The following ADGRL3 variants were observed in gnomAD, a reference collection of about 807,000 sequenced individuals.
The protein encoded by ADGRL3 is adhesion G protein-coupled receptor L3.
Under a neutral mutation model 153.5 loss-of-function variants are expected in ADGRL3, and 62 were observed. The ratio of observed to expected loss-of-function variants is 0.40; its 90% CI spans 0.33 to 0.50. ADGRL3 has a LOEUF of 0.50. ADGRL3 is among the 20% of genes least tolerant of loss of function. ADGRL3 has a pLI of 0.47. For synonymous variants in ADGRL3, 710 were observed against 672.5 expected, an observed-to-expected ratio of 1.06 and a Z score of -0.86; for missense variants, 1,641 against 1,859.4, an observed-to-expected ratio of 0.88 and a Z score of 2.16.
chr4:61,681,781 A>G (rs903042785), intron 6 of ADGRL3, among the ~76,000 whole-genome samples: 2 of 152,274 alleles, frequency 1.3e-5, no homozygotes, highest in South Asian at 2.1e-4. Context: ...GCATATTTAA[A>G]TGTGTACACA....
At chr4:61,579,440 G>C (rs2098913764) in intron 4 of ADGRL3, 1 of 240,766 alleles carries the variant, frequency 4.2e-6, no homozygotes, top group Non-Finnish European at 8.7e-6. Flanking sequence ...TGAATTGGAA[G>C]ACAATGTGGA....
chr4:61,607,426 A>G (rs1039104742), intron 5 of ADGRL3, among the ~76,000 whole-genome samples: 9 of 152,068 alleles, frequency 5.9e-5, no homozygotes, highest in African/African-American at 1.9e-4. Context: ...GTGAAACCCC[A>G]TCTCTACTTA....
Position 62,070,617 on chromosome 4 carries a change from C to A in ADGRL3, c.4341C>A (p.Pro1447=), listed in dbSNP as rs548907641. 2.6e-6 allele frequency: 4 copies of A among 1,551,584 alleles called. No individual in the cohort carries two copies. Among genetic ancestry groups the A allele is most frequent in the African/African-American group, 2.7e-5 (2 of 72,954 alleles). The change falls in exon 27 of 27, where the codon CCC becomes CCA. Residue 1447 remains proline, a synonymous_variant. Transcript: ENST00000683033. ...AGCACACAGAAGATCTCCAGTCACC[C>A]CATAGAGACTCTCTCTATACCAGCA... ...TNEHTEDLQS[P]HRDSLYTSMP...
At chr4:61,757,415 T>C (rs2096848958) in intron 8 of ADGRL3, among the ~76,000 whole-genome samples, 1 of 152,302 alleles carries the variant, frequency 6.6e-6, no homozygotes, top group Middle Eastern at 3.4e-3. Flanking sequence ...CATAGAGGTG[T>C]TTATAGTATT....
intron 1 of ADGRL3, among the ~76,000 whole-genome samples, chr4:61,353,493 G>A (rs1478661430): frequency 6.6e-6 from 1 of 151,834 alleles, no homozygotes; most frequent in East Asian, 1.9e-4. Context: ...ATGTAAAAAG[G>A]CTATTAGTCT....
chr4:61,857,706 CCTTTCCTCCTTTCTTT>C (rs1303181985), intron 9 of ADGRL3, among the ~76,000 whole-genome samples: 1 of 148,246 alleles, frequency 6.7e-6, no homozygotes, highest in Non-Finnish European at 1.5e-5. Context: ...TTCCTTTCTT[CCTTTCCTCCTTTCTTT>C]CTTCTCTCTT....
At chr4:61,554,375 TA>T (rs2098755782) in intron 4 of ADGRL3, among the ~76,000 whole-genome samples, 1 of 151,928 alleles carries the variant, frequency 6.6e-6, no homozygotes, top group Non-Finnish European at 1.5e-5. Flanking sequence ...TTTGTATTTT[TA>T]GTAGATACGG....
Position 61,552,465 on chromosome 4 carries a change from T to C in ADGRL3, c.260-34762T>C, listed in dbSNP as rs1480655698. Reference sequence around the variant, plus strand: ...CTTGCCTTTTTAATTTTTAATTTAATTTCATTTATTTATTTTGTGACAGGA... The same window carrying C: ...CTTGCCTTTTTAATTTTTAATTTAACTTCATTTATTTATTTTGTGACAGGA... On this transcript the variant is annotated intron_variant, in intron 4 of 26. Coordinates refer to ENST00000683033, the MANE Select transcript of ADGRL3 (RefSeq NM_001387552.1). Among the ~76,000 whole-genome samples, 3 of 152,096 alleles carry C rather than the reference T, an allele frequency of 2.0e-5. No homozygotes were observed. In the East Asian group the frequency reaches 5.8e-4, roughly 29 times the overall value.
At chr4:61,781,184 G>A (rs1399995768) in intron 8 of ADGRL3, among the ~76,000 whole-genome samples, 1 of 151,816 alleles carries the variant, frequency 6.6e-6, no homozygotes, top group Non-Finnish European at 1.5e-5. Flanking sequence ...AAATTAGCCA[G>A]GCACAGTGGT....
At chr4:61,658,341 T>C (rs1292217470) in intron 5 of ADGRL3, among the ~76,000 whole-genome samples, 1 of 152,168 alleles carries the variant, frequency 6.6e-6, no homozygotes, top group Non-Finnish European at 1.5e-5. Context: ...TGAGACTGTA[T>C]TGTTCCTTGC....
intron 13 of ADGRL3, among the ~76,000 whole-genome samples, 170 bp downstream of exon 13, chr4:61,912,927 C>G (rs2098728589): frequency 2.0e-5 from 3 of 152,098 alleles, no homozygotes; most frequent in South Asian, 2.1e-4. Flanking sequence ...AGTGCCAATG[C>G]TCTGTCAAAC....
At chr4:62,058,159 C>T (rs1212896757) in intron 25 of ADGRL3, among the ~76,000 whole-genome samples, 4 of 151,980 alleles carry the variant, frequency 2.6e-5, no homozygotes, top group African/African-American at 9.7e-5. Flanking sequence ...CCAATTTGGG[C>T]TTTTTACTTT....
intron 2 of ADGRL3, among the ~76,000 whole-genome samples, chr4:61,417,572 T>C (rs1350981723): frequency 2.0e-5 from 3 of 151,086 alleles, no homozygotes; most frequent in Non-Finnish European, 4.4e-5. Flanking sequence ...AAGCACTGGT[T>C]TCGAAAAAAA....
chr4:61,775,420 G>GTGTT lies in ADGRL3; in HGVS notation c.1400-38386_1400-38385insTTGT, dbSNP rs747968645. On this transcript the variant is annotated intron_variant, in intron 8 of 26. Coordinates refer to ENST00000683033, the MANE Select transcript of ADGRL3 (RefSeq NM_001387552.1). ...TCTTTCTTTGTGTGTGTGTGTGTGTGTGTGTGTGTGTGCCAAAGATTTATG... is the reference window on the plus strand; with the variant it reads ...TCTTTCTTTGTGTGTGTGTGTGTGTGTGTTTGTGTGTGTGTGCCAAAGATTTATG... 1.1e-3 allele frequency: 716 copies of GTGTT among 677,692 alleles called. 1 individual carries two copies. The highest frequency in any genetic ancestry group is 8.2e-3 in the Middle Eastern group (19 of 2,330). The allele number at this position is 677,692 out of a possible 1,614,324, so 42.0% of individuals were successfully genotyped here. A position where few individuals can be genotyped will look rare whatever the true frequency, so the allele number is the denominator to read the frequency against.
At chr4:61,666,048 C>G (rs2094781495) in intron 5 of ADGRL3, among the ~76,000 whole-genome samples, 1 of 152,194 alleles carries the variant, frequency 6.6e-6, no homozygotes, top group South Asian at 2.1e-4. Context: ...CTTCAAAAAT[C>G]TGTAGATGAC....
At chr4:61,314,764 G>A (rs1181401884) in intron 1 of ADGRL3, among the ~76,000 whole-genome samples, 1 of 152,130 alleles carries the variant, frequency 6.6e-6, no homozygotes, top group African/African-American at 2.4e-5. Context: ...TGGTAATACT[G>A]GAATCTAGTG....
At chr4:62,057,331 G>A (rs957896518) in intron 25 of ADGRL3, among the ~76,000 whole-genome samples, 19 of 152,214 alleles carry the variant, frequency 1.2e-4, no homozygotes, top group African/African-American at 3.9e-4. Context: ...CATAAGAAAA[G>A]AAATATCACA....
intron 1 of ADGRL3, among the ~76,000 whole-genome samples, chr4:61,327,619 G>A (rs2150902066): frequency 6.6e-6 from 1 of 152,098 alleles, no homozygotes; most frequent in Admixed American, 6.6e-5. Flanking sequence ...ACAGGTGGCA[G>A]TTGAAATTCT....
chr4:62,000,455 CAT>C, intron 21 of ADGRL3, among the ~76,000 whole-genome samples: 2 of 151,862 alleles, frequency 1.3e-5, no homozygotes, highest in Admixed American at 1.3e-4. Flanking sequence ...AATAATTAAA[CAT>C]GGAAAAAATC....
Sources: gnomAD v4.1 joint callset for allele counts (sites outside exome capture counted in the v4.1 genomes callset) on GRCh38, gnomAD v4.1.1 for gene constraint, MANE v1.5 for transcripts, NCBI Gene and HGNC (gene_info 2026-07-23, HGNC 2026-07-21) for gene names.